PTPRT: variants seen among roughly 807,000 people sequenced by gnomAD.
PTPRT encodes receptor-type tyrosine-protein phosphatase T.
A neutral mutation model predicts 176.8 loss-of-function variants in PTPRT; 56 were observed. That is an observed-to-expected ratio of 0.32 (90% CI 0.26 to 0.40). PTPRT has a LOEUF of 0.40. Ranked by LOEUF, PTPRT falls within the 10% of genes least tolerant of loss-of-function variation. The probability of loss-of-function intolerance (pLI) is 1.00; values close to 1 mark genes in which losing one functional copy is unlikely to be tolerated. For missense variants in PTPRT, 1,540 were observed against 1,908.2 expected, an observed-to-expected ratio of 0.81 and a Z score of 3.60; for synonymous variants, 783 against 739.0, an observed-to-expected ratio of 1.06 and a Z score of -0.96.
At chr20:42,356,225 T>G in intron 9 of PTPRT, among the ~76,000 whole-genome samples, 1 of 152,014 alleles carries the variant, frequency 6.6e-6, no homozygotes, top group South Asian at 2.1e-4. Context: ...AACGGAAGAT[T>G]TGTAGAATAG....
intron 1 of PTPRT, among the ~76,000 whole-genome samples, chr20:42,923,873 G>C (rs1025487655): frequency 6.7e-6 from 1 of 149,840 alleles, no homozygotes. Context: ...ACAGAGTTTT[G>C]CTCTGTTGCC....
At position 42,363,135 on chromosome 20, in the gene PTPRT, TA is replaced by T. The variant is rs757353870; in HGVS notation, c.1561-10851del. On this transcript the variant is annotated intron_variant, in intron 9 of 30. Transcript: ENST00000373187. ...AAAAAAAAAAAAAAAAAGAACTAAA[TA>T]TTTTTTTTAAAAAAAAGAACAAAAA... Among the ~76,000 whole-genome samples the T allele has an allele frequency of 8.4e-3, 972 of 115,900 alleles. 10 individuals carry two copies. The highest frequency in any genetic ancestry group is 0.031 in the Middle Eastern group (6 of 196). 76.0% of individuals were successfully genotyped at this position (115,900 alleles called of 152,430 possible). A position where few individuals can be genotyped will look rare whatever the true frequency, so the allele number is the denominator to read the frequency against.
At chr20:42,576,186 C>T (rs1229811327) in intron 7 of PTPRT, among the ~76,000 whole-genome samples, 2 of 152,072 alleles carry the variant, frequency 1.3e-5, no homozygotes, top group African/African-American at 2.4e-5. Flanking sequence ...CTGGCAGGGG[C>T]GCACTTTCTC....
intron 16 of PTPRT, among the ~76,000 whole-genome samples, chr20:42,179,570 TATA>T (rs1246791860): frequency 6.6e-6 from 1 of 152,142 alleles, no homozygotes; most frequent in Non-Finnish European, 1.5e-5. Context: ...AAGTAAAAAA[TATA>T]ATGTGATGAA....
chr20:42,439,423 C>G (rs564394450), intron 9 of PTPRT, among the ~76,000 whole-genome samples: 1 of 152,288 alleles, frequency 6.6e-6, no homozygotes, highest in South Asian at 2.1e-4. Flanking sequence ...AGAACGATAC[C>G]TCCCTATGTT....
chr20:42,164,904 T>C (rs1278308962), intron 16 of PTPRT, among the ~76,000 whole-genome samples: 3 of 152,218 alleles, frequency 2.0e-5, no homozygotes, highest in African/African-American at 7.2e-5. Context: ...TTAATTCTCA[T>C]GCCTTCTTCT....
intron 12 of PTPRT, among the ~76,000 whole-genome samples, chr20:42,291,084 A>G (rs2057309827): frequency 6.6e-6 from 1 of 152,122 alleles, no homozygotes; most frequent in Non-Finnish European, 1.5e-5. Flanking sequence ...TTCCCAGTTG[A>G]TATGATGGAA....
intron 1 of PTPRT, among the ~76,000 whole-genome samples, chr20:42,946,785 C>T (rs140399563): frequency 5.9e-5 from 9 of 152,298 alleles, no homozygotes; most frequent in Admixed American, 3.3e-4. Flanking sequence ...GGATTTACAA[C>T]GGGGTTTCTC....
intron 9 of PTPRT, among the ~76,000 whole-genome samples, chr20:42,445,538 T>C (rs1312994245): frequency 6.6e-6 from 1 of 152,190 alleles, no homozygotes; most frequent in Non-Finnish European, 1.5e-5. Flanking sequence ...ACACTCATGT[T>C]TATGCTCACA....
intron 9 of PTPRT, among the ~76,000 whole-genome samples, chr20:42,406,429 T>C (rs994988573): frequency 6.6e-5 from 10 of 152,092 alleles, no homozygotes; most frequent in Non-Finnish European, 4.4e-5. Flanking sequence ...TCGAGAGTGA[T>C]AATTTTTCTA....
chr20:42,070,789 C>A (rs537432237), downstream of PTPRT, among the ~76,000 whole-genome samples: 17 of 152,234 alleles, frequency 1.1e-4, no homozygotes, highest in Admixed American at 6.5e-4. Context: ...ATATTGAGTC[C>A]TTTCAAGTGA....
At chr20:43,039,913 C>A (rs1020796598) in intron 1 of PTPRT, among the ~76,000 whole-genome samples, 5 of 151,862 alleles carry the variant, frequency 3.3e-5, no homozygotes, top group African/African-American at 7.3e-5. Flanking sequence ...CAGTGGCATG[C>A]GCCTGTAGAC....
chr20:42,780,176 G>T, intron 4 of PTPRT, 42 bp downstream of exon 4: 2 of 1,490,308 alleles, frequency 1.3e-6, no homozygotes, highest in Non-Finnish European at 1.9e-6. Flanking sequence ...TACCCAGTCT[G>T]GCATGGATCA....
At chr20:42,490,682 T>C (rs981064641) in intron 7 of PTPRT, among the ~76,000 whole-genome samples, 19 of 152,248 alleles carry the variant, frequency 1.2e-4, no homozygotes, top group Non-Finnish European at 2.4e-4. Flanking sequence ...ATACATCTTA[T>C]TTCTTTTTCT....
At chr20:42,157,337 G>T (rs6102696) in intron 17 of PTPRT, among the ~76,000 whole-genome samples, 44,123 of 150,530 alleles carry the variant, frequency 0.29, 7,256 homozygotes, top group African/African-American at 0.45. Flanking sequence ...ATTATCCAAA[G>T]ATTTTCTTTT....
At position 43,078,550 on chromosome 20, in the gene PTPRT, G is replaced by A. The variant is rs554153900; in HGVS notation, c.88+111096C>T. Among the ~76,000 whole-genome samples the A allele has an allele frequency of 6.8e-4, 103 of 152,180 alleles. 1 individual carries two copies. In the South Asian group the frequency reaches 0.015, roughly 22 times the overall value. On this transcript the variant is annotated intron_variant, in intron 1 of 30. Transcript: ENST00000373187. ...TTTGGTTTGATAGCTCCTGTTTCACGCACACTCACTCTCTAAAATGAAACA... is the reference window on the plus strand; with the variant it reads ...TTTGGTTTGATAGCTCCTGTTTCACACACACTCACTCTCTAAAATGAAACA...
At chr20:42,869,893 G>T (rs1185352383) in intron 2 of PTPRT, among the ~76,000 whole-genome samples, 2 of 152,184 alleles carry the variant, frequency 1.3e-5, no homozygotes, top group African/African-American at 4.8e-5. Context: ...GAGCCCTCAT[G>T]AATGGGAATA....
At chr20:42,278,450 T>C (rs1286448633) in intron 13 of PTPRT, among the ~76,000 whole-genome samples, 2 of 151,288 alleles carry the variant, frequency 1.3e-5, no homozygotes, top group Non-Finnish European at 2.9e-5. Flanking sequence ...TAGAGGAGGC[T>C]GGAGGGAGGA....
rs1384350678 is a variant in PTPRT, at chr20:42,392,437, A to G, written c.1561-40152T>C. Among the ~76,000 whole-genome samples the G allele has an allele frequency of 3.9e-5, 6 of 152,302 alleles. No homozygotes were observed. In the East Asian group the frequency reaches 1.2e-3, roughly 29 times the overall value. On this transcript the variant is annotated intron_variant, in intron 9 of 30. Coordinates refer to ENST00000373187, the MANE Select transcript of PTPRT (RefSeq NM_007050.6). ...AATCTTTCTTTTGGTATTTCTCAAA[A>G]AAAAAAATCCATTTCATTTTTCTTA...
Sources: allele counts gnomAD v4.1 joint callset (sites outside exome capture counted in the v4.1 genomes callset), GRCh38; gene constraint gnomAD v4.1.1; transcripts MANE v1.5; gene names NCBI Gene and HGNC (gene_info 2026-07-23, HGNC 2026-07-21).